PCMTD2: variants seen among roughly 807,000 people sequenced by gnomAD.
PCMTD2 encodes the protein protein-L-isoaspartate (D-aspartate) O-methyltransferase domain containing 2, also known as protein-L-isoaspartate O-methyltransferase domain-containing protein 2.
A neutral mutation model predicts 33.4 loss-of-function variants in PCMTD2; 16 were observed. The ratio of observed to expected loss-of-function variants is 0.48; its 90% confidence interval spans 0.32 to 0.73. PCMTD2 has a LOEUF of 0.73. PCMTD2 is among the 30% of genes least tolerant of loss of function. The probability of loss-of-function intolerance (pLI) is 0.03; values close to 1 mark genes in which losing one functional copy is unlikely to be tolerated. For synonymous variants in PCMTD2, 161 were observed against 160.8 expected (o/e 1.00, Z -0.01); for missense variants, 374 against 449.9 (o/e 0.83, Z 1.53).
At chr20:64,256,974 C>T (rs988784799) in intron 1 of PCMTD2, 3 of 152,180 alleles carry the variant, frequency 2.0e-5, no homozygotes, top group Admixed American at 6.5e-5. Flanking sequence ...AACCTGAAGT[C>T]GAACCATCCG....
intron 2 of PCMTD2, 71 bp from the exon 3 acceptor site, chr20:64,264,358 G>T (rs1985560109): frequency 1.0e-5 from 8 of 780,660 alleles, no homozygotes; most frequent in South Asian, 7.2e-5. Flanking sequence ...TGTTACAGTT[G>T]GTAGAAGTGA....
chr20:64,256,139 A>T (rs1390117447), intron 1 of PCMTD2, among the ~76,000 whole-genome samples: 1 of 152,182 alleles, frequency 6.6e-6, no homozygotes, highest in Non-Finnish European at 1.5e-5. Flanking sequence ...GGGTCTGGTT[A>T]GTCCAGACCT....
chr20:64,264,725 A>G (rs1037828055), intron 3 of PCMTD2, among the ~76,000 whole-genome samples, 194 bp downstream of exon 3: 2 of 152,246 alleles, frequency 1.3e-5, no homozygotes, highest in African/African-American at 4.8e-5. Flanking sequence ...TTACACATAC[A>G]TAAGGTGTTC....
rs1568739223 is a variant in PCMTD2, at chr20:64,274,092, A to G, written c.*492A>G. On this transcript the variant is annotated 3_prime_UTR_variant, in exon 6 of 6. Coordinates refer to ENST00000308824, the MANE Select transcript of PCMTD2 (RefSeq NM_018257.3). ...CCAAGTTTGAATTTTTATGATATGT[A>G]CCACTTAATTACTGGCACTGAGTAT... is the stretch of plus-strand genomic sequence containing the variant. The G allele has an allele frequency of 6.5e-6, 1 of 152,764 alleles. No individual in the cohort carries two copies. Among genetic ancestry groups the G allele is most frequent in the Non-Finnish European group, 1.5e-5 (1 of 68,422 alleles). 9.5% of individuals were successfully genotyped at this position (152,764 alleles called of 1,614,324 possible).
intron 2 of PCMTD2, among the ~76,000 whole-genome samples, chr20:64,261,055 G>T (rs1985394325): frequency 6.6e-6 from 1 of 152,180 alleles, no homozygotes; most frequent in African/African-American, 2.4e-5. Context: ...TTCAGGGATG[G>T]AAGGGATTTC....
Position 64,274,401 on chromosome 20 carries a change from G to A in PCMTD2, c.*801G>A, listed in dbSNP as rs1490377879. The A allele has an allele frequency of 6.6e-6, 1 of 150,492 alleles. No individual in the cohort carries two copies. The highest frequency in any genetic ancestry group is 6.6e-5 in the Admixed American group (1 of 15,058). The allele number at this position is 150,492 out of a possible 1,614,324, so 9.3% of individuals were successfully genotyped here. On this transcript the variant is annotated 3_prime_UTR_variant, in exon 6 of 6. Coordinates refer to ENST00000308824, the MANE Select transcript of PCMTD2 (RefSeq NM_018257.3). The stretch of plus-strand genomic sequence containing the variant: ...TGGAAAAGGAAACAGATTTTTTCCT[G>A]TGTGTAAGCAATAAGTGAAGTTACA...
At chr20:64,263,205 T>A (rs1017874979) in intron 2 of PCMTD2, among the ~76,000 whole-genome samples, 14 of 152,230 alleles carry the variant, frequency 9.2e-5, no homozygotes, top group Non-Finnish European at 1.9e-4. Context: ...TCAGAAGGTC[T>A]TGACGTTCAG....
At chr20:64,259,411 CAG>C (rs1405299063) in intron 1 of PCMTD2, among the ~76,000 whole-genome samples, 3 of 124,324 alleles carry the variant, frequency 2.4e-5, no homozygotes, top group East Asian at 4.8e-4. Context: ...TTTTTTGAGA[CAG>C]AGTCTTGCTC....
intron 4 of PCMTD2, among the ~76,000 whole-genome samples, chr20:64,265,806 TAG>T (rs145375726): frequency 2.3e-4 from 35 of 152,300 alleles, no homozygotes; most frequent in African/African-American, 5.8e-4. Flanking sequence ...ATATATAAAA[TAG>T]AGTCATTCTA....
chr20:64,272,608 T>A (rs892506535), intron 5 of PCMTD2, among the ~76,000 whole-genome samples: 1 of 152,190 alleles, frequency 6.6e-6, no homozygotes, highest in Non-Finnish European at 1.5e-5. Flanking sequence ...CACTTGATGT[T>A]AGGAGTTTGA....
intron 3 of PCMTD2, among the ~76,000 whole-genome samples, chr20:64,264,962 T>C (rs1165108295): frequency 6.6e-6 from 1 of 152,232 alleles, no homozygotes; most frequent in Non-Finnish European, 1.5e-5. Flanking sequence ...AGATCTTACA[T>C]AAGATGATAA....
chr20:64,268,219 A>G (rs1985736926), intron 5 of PCMTD2, among the ~76,000 whole-genome samples: 1 of 152,240 alleles, frequency 6.6e-6, no homozygotes, highest in African/African-American at 2.4e-5. Context: ...CGTCTTTTAA[A>G]TCTACAAAGA....
intron 1 of PCMTD2, chr20:64,258,638 T>C (rs6062679): frequency 0.43 from 65,539 of 152,116 alleles, 14,684 homozygotes; most frequent in Middle Eastern, 0.49. Context: ...CCAGGCCCCT[T>C]GTCACCCCAC....
chr20:64,269,832 TGTG>T (rs1475358966), intron 5 of PCMTD2, among the ~76,000 whole-genome samples: 3 of 138,130 alleles, frequency 2.2e-5, no homozygotes, highest in Non-Finnish European at 3.1e-5. Context: ...GCACGCGTGG[TGTG>T]GGGTCATGGG....
chr20:64,270,725 T>C (rs966864026), intron 5 of PCMTD2, among the ~76,000 whole-genome samples: 2 of 150,346 alleles, frequency 1.3e-5, no homozygotes, highest in African/African-American at 2.5e-5. Context: ...CATAAAATGG[T>C]ACAGTCCTTC....
chr20:64,255,987 C>T (rs1985140579), intron 1 of PCMTD2, 117 bp downstream of exon 1: 1 of 151,972 alleles, frequency 6.6e-6, no homozygotes, highest in Non-Finnish European at 1.5e-5. Context: ...GCCCGGAGCT[C>T]TCCTCTGGGG....
chr20:64,263,319 G>A (rs905365297), intron 2 of PCMTD2, among the ~76,000 whole-genome samples: 48 of 152,304 alleles, frequency 3.2e-4, no homozygotes, highest in African/African-American at 1.1e-3. Context: ...TATGAAATAC[G>A]TGGAGAGAAA....
chr20:64,267,880 G>A lies in PCMTD2; in HGVS notation c.583-7G>A. 2 of 1,611,310 alleles carry A rather than the reference G, an allele frequency of 1.2e-6. No individual in the cohort carries two copies. The highest frequency in any genetic ancestry group is 1.7e-6 in the Non-Finnish European group (2 of 1,178,408). ...TTTTGAATATTCTCATTTTGTCTCT[G>A]GGATAGTTGACTAAGATAACACGCA... On this transcript the variant is annotated splice_polypyrimidine_tract_variant and splice_region_variant and intron_variant, in intron 4 of 5. Transcript: ENST00000308824.
At chr20:64,273,145 C>T (rs150674307) in intron 5 of PCMTD2, 76 bp from the exon 6 acceptor site, 58 of 1,214,894 alleles carry the variant, frequency 4.8e-5, no homozygotes, top group Admixed American at 7.1e-5. Context: ...AATGATGCTA[C>T]GGGTCTTAGG....
Sources: gnomAD v4.1 joint callset for allele counts (sites outside exome capture counted in the v4.1 genomes callset) on GRCh38, gnomAD v4.1.1 for gene constraint, MANE v1.5 for transcripts, NCBI Gene and HGNC (gene_info 2026-07-23, HGNC 2026-07-21) for gene names.